ZFHX3: variants seen among roughly 807,000 people sequenced by gnomAD.
The protein encoded by ZFHX3 is zinc finger homeobox protein 3.
In ZFHX3, 42 loss-of-function variants were observed where a neutral mutation model predicts 279.1. That is an observed-to-expected ratio of 0.15 (90% CI 0.12 to 0.19). ZFHX3 has a LOEUF of 0.19. ZFHX3 is among the 10% of genes least tolerant of loss of function. The pLI, the probability that ZFHX3 is intolerant of heterozygous loss-of-function variation, is 1.00. For synonymous variants in ZFHX3, 2,293 were observed against 1,957.8 expected (o/e 1.17, Z -4.52); for missense variants, 4,981 against 4,754.0 (o/e 1.05, Z -1.40).
chr16:73,286,957 T>C (rs1018579985), intron 4 of ZFHX3, among the ~76,000 whole-genome samples: 4 of 148,186 alleles, frequency 2.7e-5, no homozygotes, highest in African/African-American at 1.0e-4. Flanking sequence ...GGCCAGTGTG[T>C]GGCTGTGTGA....
At chr16:73,645,270 T>C (rs1315886285) in intron 2 of ZFHX3, among the ~76,000 whole-genome samples, 1 of 152,244 alleles carries the variant, frequency 6.6e-6, no homozygotes, top group African/African-American at 2.4e-5. Flanking sequence ...TTTTTATTTT[T>C]ATTGAGACGG....
chr16:73,494,652 C>T lies in ZFHX3; in HGVS notation c.-1546-38394G>A, dbSNP rs1309572624. On this transcript the variant is annotated intron_variant, in intron 2 of 17. Transcript: ENST00000641206. ...CTCGGCTCACCGCAACCTCCGCCCA[C>T]GGGTTCAAGCGATTCTCCTGCCTCA... Among the ~76,000 whole-genome samples the T allele has an allele frequency of 9.3e-5, 14 of 150,746 alleles. 1 individual carries two copies. The highest frequency in any genetic ancestry group is 3.9e-4 in the East Asian group (2 of 5,120).
chr16:73,661,613 T>C (rs559310028), intron 2 of ZFHX3, among the ~76,000 whole-genome samples: 1 of 151,962 alleles, frequency 6.6e-6, no homozygotes, highest in Non-Finnish European at 1.5e-5. Flanking sequence ...TCCCAGCTAC[T>C]TGTGAGGCTG....
At chr16:73,032,196 C>T (rs771368417) in intron 1 of ZFHX3, among the ~76,000 whole-genome samples, 5 of 151,938 alleles carry the variant, frequency 3.3e-5, no homozygotes, top group South Asian at 2.1e-4. Flanking sequence ...ACTCGGGTTG[C>T]GGGACTGAGG....
At chr16:73,632,586 T>C (rs574491228) in intron 2 of ZFHX3, among the ~76,000 whole-genome samples, 4 of 151,332 alleles carry the variant, frequency 2.6e-5, no homozygotes, top group Admixed American at 2.0e-4. Flanking sequence ...CTCAGGAGAC[T>C]GAGGCAGGAG....
At chr16:73,821,817 A>C (rs1342555029) in intron 1 of ZFHX3, among the ~76,000 whole-genome samples, 1 of 152,218 alleles carries the variant, frequency 6.6e-6, no homozygotes, top group South Asian at 2.1e-4. Context: ...GTGGGAAGTC[A>C]AAGATGCTGT....
chr16:72,983,578 C>G (rs1962711648), intron 1 of ZFHX3, among the ~76,000 whole-genome samples: 1 of 152,198 alleles, frequency 6.6e-6, no homozygotes, highest in Admixed American at 6.5e-5. Flanking sequence ...GTGGTGGCAC[C>G]CACCTGTAGT....
chr16:73,214,270 C>T (rs932446145), intron 5 of ZFHX3, among the ~76,000 whole-genome samples: 1 of 152,208 alleles, frequency 6.6e-6, no homozygotes, highest in African/African-American at 2.4e-5. Flanking sequence ...CAGGCTCCCA[C>T]TGGGGCTACC....
In ZFHX3 at chr16:72,794,098, C is replaced by T. The variant is rs2035810832; in HGVS notation, c.8584G>A (p.Ala2862Thr). Reference protein sequence around the residue: ...NADNDSATGIATETKSSSAPN... With the variant: ...NADNDSATGITTETKSSSAPN... ...GCAGAAGAGGATTTGGTTTCAGTTG[C>T]TATTCCCGTTGCACTGTCGTTATCT... The change falls in exon 9 of 10, where the codon GCA becomes ACA. Residue 2862 changes from alanine (A) to threonine (T), a missense_variant. Around this residue, in one of 7 missense-constraint regions of ZFHX3, gnomAD observed 744 missense variants for 701.3 expected, o/e 1.06. Transcript: ENST00000268489. The surrounding 1 kb of genome is among the most constrained non-coding windows in gnomAD (Gnocchi z 4.2). 6.2e-7 allele frequency: 1 copy of T among 1,614,212 alleles called. No homozygotes were observed. The highest frequency in any genetic ancestry group is 8.5e-7 in the Non-Finnish European group (1 of 1,180,038).
intron 1 of ZFHX3, among the ~76,000 whole-genome samples, chr16:72,997,781 T>C (rs1181191009): frequency 6.6e-6 from 1 of 152,062 alleles, no homozygotes; most frequent in Non-Finnish European, 1.5e-5. Flanking sequence ...CCAGTATCCA[T>C]GTTAAAAAAG....
chr16:72,964,291 T>A (rs898394261), intron 1 of ZFHX3, among the ~76,000 whole-genome samples: 78 of 152,046 alleles, frequency 5.1e-4, no homozygotes, highest in African/African-American at 1.9e-3. Context: ...AGAGGAAAAA[T>A]TTGGGCAAAA....
intron 1 of ZFHX3, among the ~76,000 whole-genome samples, chr16:73,824,726 T>G (rs1960848659): frequency 1.3e-5 from 1 of 75,918 alleles, no homozygotes; most frequent in East Asian, 3.8e-4. Flanking sequence ...ACAAAGGACA[T>G]GAACTCATCA....
chr16:73,588,600 G>C (rs1597014127), intron 2 of ZFHX3, among the ~76,000 whole-genome samples: 1 of 151,054 alleles, frequency 6.6e-6, no homozygotes, highest in African/African-American at 2.4e-5. Flanking sequence ...TGAGGCAGGA[G>C]AATAGTGTGA....
chr16:72,928,221 C>CAA (rs1317176425), intron 3 of ZFHX3, among the ~76,000 whole-genome samples: 2,774 of 76,482 alleles, frequency 0.036, 584 homozygotes, highest in South Asian at 0.063. Context: ...CGAAGGGGAG[C>CAA]GAGGGGGAGC....
chr16:72,995,556 A>C (rs1376109398), intron 1 of ZFHX3, among the ~76,000 whole-genome samples: 1 of 152,168 alleles, frequency 6.6e-6, no homozygotes, highest in South Asian at 2.1e-4. Flanking sequence ...TGCTCTCCCC[A>C]AGACCAGGCC....
intron 3 of ZFHX3, among the ~76,000 whole-genome samples, chr16:72,910,141 G>A (rs2039282016): frequency 6.6e-6 from 1 of 152,054 alleles, no homozygotes. Context: ...CAGGAATAAG[G>A]GTTAAGGTTA....
At chr16:73,738,904 C>T (rs182335868) in intron 1 of ZFHX3, among the ~76,000 whole-genome samples, 29 of 152,242 alleles carry the variant, frequency 1.9e-4, no homozygotes, top group African/African-American at 7.0e-4. Context: ...TATTTCTCCC[C>T]CTTCCTCTGA....
intron 3 of ZFHX3, among the ~76,000 whole-genome samples, chr16:72,919,510 T>C (rs1273175363): frequency 6.6e-6 from 1 of 152,102 alleles, no homozygotes; most frequent in African/African-American, 2.4e-5. Flanking sequence ...CACAGCTAGG[T>C]TTAAGAATCC....
intron 2 of ZFHX3, among the ~76,000 whole-genome samples, chr16:73,636,975 T>C (rs990420804): frequency 6.6e-5 from 10 of 151,990 alleles, no homozygotes; most frequent in African/African-American, 2.4e-4. Context: ...AAACATGATA[T>C]AATAAGGAAG....
Sources: allele counts gnomAD v4.1 joint callset (sites outside exome capture counted in the v4.1 genomes callset), GRCh38; gene constraint gnomAD v4.1.1; regional missense constraint gnomAD v4.1.1; non-coding constraint Gnocchi (gnomAD v3.1); transcripts MANE v1.5; gene names NCBI Gene and HGNC (gene_info 2026-07-23, HGNC 2026-07-21).